Variants in GABARAPL2 observed in about 807,000 individuals in gnomAD.
GABARAPL2 encodes GABA type A receptor associated protein like 2.
Under a neutral mutation model 16.9 loss-of-function variants are expected in GABARAPL2, and 11 were observed. The ratio of observed to expected loss-of-function variants is 0.65; its 90% confidence interval spans 0.41 to 1.08. The LOEUF is 1.08. Ranked by LOEUF, GABARAPL2 falls within the 50% of genes least tolerant of loss-of-function variation. The pLI, the probability that GABARAPL2 is intolerant of heterozygous loss-of-function variation, is 0.00. For synonymous variants in GABARAPL2, 57 were observed against 50.7 expected (o/e 1.12, Z -0.53); for missense variants, 134 against 142.5 (o/e 0.94, Z 0.30).
In GABARAPL2 at chr16:75,568,130, T is replaced by G. The variant is rs2080895255; in HGVS notation, c.184T>G (p.Trp62Gly). Residue 62 changes from tryptophan to glycine, a missense_variant, in exon 3 of 4, where the codon TGG becomes GGG. Coordinates refer to ENST00000037243, the MANE Select transcript of GABARAPL2 (RefSeq NM_007285.7). ...TGATATCACTGTGGCTCAGTTCATG[T>G]GGATCATCAGGAAAAGGATCCAGCT... ...PSDITVAQFM[W>G]IIRKRIQLPS... 4 of 1,613,238 alleles carry G rather than the reference T, an allele frequency of 2.5e-6. No individual in the cohort carries two copies. Among genetic ancestry groups the G allele is most frequent in the Non-Finnish European group, 2.5e-6 (3 of 1,179,142 alleles).
At chr16:75,568,343 CAG>C (rs1185058676) in intron 3 of GABARAPL2, 134 bp downstream of exon 3, 22 of 579,472 alleles carry the variant, frequency 3.8e-5, no homozygotes, top group Non-Finnish European at 6.9e-5. Context: ...TCCCTGACAT[CAG>C]GGGCTCCAGG....
At chr16:75,574,754 A>T (rs1181259065) in intron 3 of GABARAPL2, among the ~76,000 whole-genome samples, 1 of 86,624 alleles carries the variant, frequency 1.2e-5, no homozygotes, top group Admixed American at 1.4e-4. Context: ...CTGCATATGG[A>T]ATCATTTTTG....
intron 3 of GABARAPL2, among the ~76,000 whole-genome samples, chr16:75,574,900 G>T (rs1445286516): frequency 6.6e-6 from 1 of 151,948 alleles, no homozygotes; most frequent in Non-Finnish European, 1.5e-5. Context: ...AGGCGTGGTG[G>T]CATGCACCTG....
rs2080956888 is a variant in GABARAPL2, at chr16:75,577,459, A to G, written c.*90A>G. The G allele has an allele frequency of 3.8e-6, 3 of 790,242 alleles. No individual in the cohort carries two copies. Among genetic ancestry groups the G allele is most frequent in the Admixed American group, 1.9e-5 (1 of 54,000 alleles). 49.0% of individuals were successfully genotyped at this position (790,242 alleles called of 1,614,324 possible). ...AGTTATTATACCAGAACCTCTTCAC[A>G]TAGACCTATTAGTGCATTTGTAACT... On this transcript the variant is annotated 3_prime_UTR_variant, in exon 4 of 4. Coordinates refer to ENST00000037243, the MANE Select transcript of GABARAPL2 (RefSeq NM_007285.7).
rs760974919 is a variant in GABARAPL2, at chr16:75,568,995, TGA to T, written c.263+788_263+789del. Among the ~76,000 whole-genome samples, 7 of 152,176 alleles carry T rather than the reference TGA, an allele frequency of 4.6e-5. No individual in the cohort carries two copies. The East Asian group carries it at 5.8e-4, about 13-fold the overall frequency. On this transcript the variant is annotated intron_variant, in intron 3 of 3. Transcript: ENST00000037243. ...CCAGCCCCCACCTCTCCCCTGAGTG[TGA>T]GTTTCTGGCCACATCTTATCTTTGT...
chr16:75,576,345 C>G (rs1286829201), intron 3 of GABARAPL2: 4 of 152,220 alleles, frequency 2.6e-5, no homozygotes. Flanking sequence ...AGCAAAGCAG[C>G]AAGTGGGGCA....
chr16:75,566,579 C>T (rs1055331278), intron 1 of GABARAPL2, 59 bp downstream of exon 1: 2 of 1,585,444 alleles, frequency 1.3e-6, no homozygotes, highest in Non-Finnish European at 1.7e-6. Context: ...GGGCCCCCTC[C>T]CCCACTCGGG....
chr16:75,568,578 C>A (rs2080897279), intron 3 of GABARAPL2, among the ~76,000 whole-genome samples: 1 of 152,202 alleles, frequency 6.6e-6, no homozygotes, highest in Non-Finnish European at 1.5e-5. Flanking sequence ...AGCCTGTGGG[C>A]CCTGCTGAGG....
In GABARAPL2 at chr16:75,566,400, T is replaced by C. The variant is rs1350671043; in HGVS notation, c.-87T>C. 9 of 1,026,212 alleles carry C rather than the reference T, an allele frequency of 8.8e-6. No individual in the cohort carries two copies. The highest frequency in any genetic ancestry group is 1.3e-5 in the Non-Finnish European group (9 of 676,374). 63.6% of individuals were successfully genotyped at this position (1,026,212 alleles called of 1,614,324 possible). ...GTGTAGTCGCCGCCGTCGCTGCCGCTGCCGCTGCCGCCGTCGTTGTTGTTG... is the reference window on the plus strand; with the variant it reads ...GTGTAGTCGCCGCCGTCGCTGCCGCCGCCGCTGCCGCCGTCGTTGTTGTTG... On this transcript the variant is annotated 5_prime_UTR_variant, in exon 1 of 4. Coordinates refer to ENST00000037243, the MANE Select transcript of GABARAPL2 (RefSeq NM_007285.7).
At position 75,566,460 on chromosome 16, in the gene GABARAPL2, C is replaced by G; in HGVS notation, c.-27C>G. 1 of 1,578,774 alleles carries G rather than the reference C, an allele frequency of 6.3e-7. No homozygotes were observed. ...CGCTGAGCTCCGCGGCTCCGCGAGC[C>G]GGTTCCGTCCCCTTCCCGCCGCCGC... On this transcript the variant is annotated 5_prime_UTR_variant, in exon 1 of 4. Coordinates refer to ENST00000037243, the MANE Select transcript of GABARAPL2 (RefSeq NM_007285.7).
At chr16:75,568,371 A>G in intron 3 of GABARAPL2, 162 bp downstream of exon 3, 1 of 534,180 alleles carries the variant, frequency 1.9e-6, no homozygotes, top group East Asian at 2.7e-5. Context: ...AATGGCTGCA[A>G]TACATAAGAG....
intron 3 of GABARAPL2, among the ~76,000 whole-genome samples, chr16:75,571,838 G>T (rs575338122): frequency 6.6e-6 from 1 of 151,822 alleles, no homozygotes; most frequent in South Asian, 2.1e-4. Context: ...ACCACGCCCG[G>T]CTACTTTTTT....
intron 2 of GABARAPL2, 48 bp from the exon 3 acceptor site, chr16:75,567,973 CAGCCATGTGAGGCCAG>C (rs1442706971): frequency 1.7e-5 from 23 of 1,315,152 alleles, no homozygotes; most frequent in African/African-American, 8.7e-5. Context: ...ATCAGCTCCT[CAGCCATGTGAGGCCAG>C]AGCCTCGCTT....
At chr16:75,570,147 G>A (rs1050706579) in intron 3 of GABARAPL2, among the ~76,000 whole-genome samples, 1 of 152,072 alleles carries the variant, frequency 6.6e-6, no homozygotes, top group Admixed American at 6.6e-5. Context: ...CCAGATTGCA[G>A]TGCAGTGGTG....
intron 3 of GABARAPL2, among the ~76,000 whole-genome samples, chr16:75,572,890 G>A (rs564592444): frequency 3.3e-5 from 5 of 152,322 alleles, no homozygotes; most frequent in Non-Finnish European, 7.4e-5. Context: ...GTGTGCATTC[G>A]TGTTAGGGAC....
intron 1 of GABARAPL2, 107 bp from the exon 2 acceptor site, chr16:75,566,745 G>A (rs2080885464): frequency 8.5e-7 from 1 of 1,175,822 alleles, no homozygotes; most frequent in Non-Finnish European, 1.3e-6. Context: ...CGGGGACGCC[G>A]GAACCAGGGC....
chr16:75,577,239 A>G (rs1194973708), intron 3 of GABARAPL2, 40 bp from the exon 4 acceptor site: 1 of 1,263,668 alleles, frequency 7.9e-7, no homozygotes, highest in Non-Finnish European at 1.2e-6. Flanking sequence ...TGAAACCTGG[A>G]CTCCAATTTT....
chr16:75,568,437 A>G, intron 3 of GABARAPL2: 2 of 378,664 alleles, frequency 5.3e-6, no homozygotes, highest in East Asian at 4.0e-5. Context: ...AAATGATGAA[A>G]CTCAGCCTAA....
intron 3 of GABARAPL2, among the ~76,000 whole-genome samples, chr16:75,570,821 G>C (rs1187569397): frequency 6.6e-6 from 1 of 152,186 alleles, no homozygotes; most frequent in Non-Finnish European, 1.5e-5. Flanking sequence ...TTTAGCATTG[G>C]AAAGTTGAAT....
Sources: allele counts gnomAD v4.1 joint callset (sites outside exome capture counted in the v4.1 genomes callset), GRCh38; gene constraint gnomAD v4.1.1; transcripts MANE v1.5; gene names NCBI Gene and HGNC (gene_info 2026-07-23, HGNC 2026-07-21).